GALM: variants seen among roughly 807,000 people sequenced by gnomAD.
GALM encodes galactose mutarotase.
GALM carries 43 observed loss-of-function variants against 37.4 expected under a neutral mutation model. That is an observed-to-expected ratio of 1.15 (90% CI 0.90 to 1.48). GALM has a LOEUF of 1.48. Among genes scored for constraint, GALM ranks in the 40% most tolerant of loss-of-function variants. The pLI is 0.00. For synonymous variants in GALM, 199 were observed against 170.6 expected (o/e 1.17, Z -1.30); for missense variants, 456 against 419.1 (o/e 1.09, Z -0.77).
At chr2:38,711,809 T>C (rs868772834) in intron 4 of GALM, among the ~76,000 whole-genome samples, 5 of 143,878 alleles carry the variant, frequency 3.5e-5, no homozygotes, top group African/African-American at 5.1e-5. Flanking sequence ...ACCATCACCA[T>C]CATCATCATC....
chr2:38,734,511 G>A lies in GALM; in HGVS notation c.*946G>A, dbSNP rs763598368. On this transcript the variant is annotated 3_prime_UTR_variant, in exon 7 of 7. Transcript: ENST00000272252. ...AGAAAGCACAGCCCGGCCAACGCTTGGGAAGAAAGACAGGCAAGCACTGGA... is the reference window on the plus strand; with the variant it reads ...AGAAAGCACAGCCCGGCCAACGCTTAGGAAGAAAGACAGGCAAGCACTGGA... 6.6e-6 allele frequency: 1 copy of A among 152,012 alleles called. No homozygotes were observed. Among genetic ancestry groups the A allele is most frequent in the Non-Finnish European group, 1.5e-5 (1 of 68,170 alleles). The allele number at this position is 152,012 out of a possible 1,614,324, so 9.4% of individuals were successfully genotyped here. A position where few individuals can be genotyped will look rare whatever the true frequency, so the allele number is the denominator to read the frequency against.
intron 4 of GALM, among the ~76,000 whole-genome samples, chr2:38,700,880 T>C (rs1665903564): frequency 6.6e-6 from 1 of 152,228 alleles, no homozygotes; most frequent in Admixed American, 6.5e-5. Flanking sequence ...TCTTTCTCCT[T>C]TGTGTATGTG....
intron 4 of GALM, among the ~76,000 whole-genome samples, chr2:38,705,923 G>A (rs1015238036): frequency 3.9e-5 from 6 of 151,966 alleles, no homozygotes; most frequent in African/African-American, 7.2e-5. Flanking sequence ...CGGGTTCAGT[G>A]GTCCAACTTC....
At chr2:38,700,261 G>C (rs1483715404) in intron 4 of GALM, among the ~76,000 whole-genome samples, 2 of 152,134 alleles carry the variant, frequency 1.3e-5, no homozygotes, top group African/African-American at 2.4e-5. Flanking sequence ...CTAAAGTGCA[G>C]TTTAAATCTA....
At chr2:38,696,510 A>G (rs1665809294) in intron 4 of GALM, among the ~76,000 whole-genome samples, 1 of 150,218 alleles carries the variant, frequency 6.7e-6, no homozygotes, top group Non-Finnish European at 1.5e-5. Context: ...AGCTCACTGT[A>G]ACATCAAACT....
At chr2:38,692,275 C>T (rs1299108531) in intron 4 of GALM, among the ~76,000 whole-genome samples, 1 of 152,174 alleles carries the variant, frequency 6.6e-6, no homozygotes, top group Non-Finnish European at 1.5e-5. Flanking sequence ...AAGAAACAAG[C>T]TAATTGTCTG....
intron 4 of GALM, among the ~76,000 whole-genome samples, chr2:38,723,557 G>C (rs890026042): frequency 6.6e-6 from 1 of 152,136 alleles, no homozygotes; most frequent in Non-Finnish European, 1.5e-5. Flanking sequence ...GGGAAGCTGA[G>C]GCAGGAGGAT....
chr2:38,666,175 C>G lies in GALM; in HGVS notation c.14C>G (p.Thr5Ser). Residue 5 changes from threonine to serine, a missense_variant, in exon 1 of 7, where the codon ACC becomes AGC. Thr to Ser is a moderately conservative substitution (Grantham distance 58). Transcript: ENST00000272252. Reference sequence around the variant, plus strand: ...CAAACTTTCCCTATGGCTTCGGTGACCAGGGCCGTGTTTGGAGAGCTGCCC... The same window carrying G: ...CAAACTTTCCCTATGGCTTCGGTGAGCAGGGCCGTGTTTGGAGAGCTGCCC... Reference protein sequence around the residue: MASVTRAVFGELPSG... With the variant: MASVSRAVFGELPSG... 6.2e-7 allele frequency: 1 copy of G among 1,612,434 alleles called. No homozygotes were observed. Among genetic ancestry groups the G allele is most frequent in the Non-Finnish European group, 8.5e-7 (1 of 1,179,122 alleles).
At chr2:38,732,523 A>G (rs1465037524) in intron 6 of GALM, among the ~76,000 whole-genome samples, 4 of 152,280 alleles carry the variant, frequency 2.6e-5, no homozygotes, top group Admixed American at 2.0e-4. Flanking sequence ...AGCCACACTT[A>G]AGGAGAGCTT....
Position 38,733,539 on chromosome 2 carries a change from A to T in GALM, c.1003A>T (p.Thr335Ser). 2 of 1,613,974 alleles carry T rather than the reference A, an allele frequency of 1.2e-6. No individual in the cohort carries two copies. The highest frequency in any genetic ancestry group is 2.2e-5 in the South Asian group (2 of 91,080). Reference protein sequence around the residue: ...LRPGEEYDHTTWFKFSVA With the variant: ...LRPGEEYDHTSWFKFSVA ...GCCTGGTGAGGAGTATGACCACACC[A>T]CCTGGTTCAAGTTTTCTGTGGCTTA... The change falls in exon 7 of 7, where the codon ACC becomes TCC. Residue 335 changes from threonine to serine, a missense_variant. By Grantham distance (58) the Thr-to-Ser change is moderately conservative. Transcript: ENST00000272252.
intron 4 of GALM, among the ~76,000 whole-genome samples, chr2:38,713,096 G>A (rs569347194): frequency 1.3e-5 from 2 of 152,262 alleles, no homozygotes; most frequent in Non-Finnish European, 2.9e-5. Flanking sequence ...GGAGCCTTGC[G>A]ACTTTTGGAG....
rs1455840052 is a variant in GALM, at chr2:38,729,786, T to C, written c.776+89T>C. On this transcript the variant is annotated intron_variant, in intron 5 of 6. Coordinates refer to ENST00000272252, the MANE Select transcript of GALM (RefSeq NM_138801.3). ...GGAGCTTTTCCTCTGGCCATATCAATAGCATTTACTATGCTACAAGTGACC... is the reference window on the plus strand; with the variant it reads ...GGAGCTTTTCCTCTGGCCATATCAACAGCATTTACTATGCTACAAGTGACC... The C allele has an allele frequency of 1.1e-5, 12 of 1,065,320 alleles. No homozygotes were observed. In the Admixed American group the frequency reaches 1.2e-4, roughly 10 times the overall value. The allele number at this position is 1,065,320 out of a possible 1,614,324, so 66.0% of individuals were successfully genotyped here. A position where few individuals can be genotyped will look rare whatever the true frequency, so the allele number is the denominator to read the frequency against.
rs1167059402 is a variant in GALM, at chr2:38,733,852, T to G, written c.*287T>G. On this transcript the variant is annotated 3_prime_UTR_variant, in exon 7 of 7. Transcript: ENST00000272252. Reference sequence around the variant, plus strand: ...CCCTAGCCAGGGACTCCCATGCTGCTGTTGGCTCCATCTCTCCACACTGCC... The same window carrying G: ...CCCTAGCCAGGGACTCCCATGCTGCGGTTGGCTCCATCTCTCCACACTGCC... 6 of 414,122 alleles carry G rather than the reference T, an allele frequency of 1.4e-5. No homozygotes were observed. The highest frequency in any genetic ancestry group is 1.2e-4 in the African/African-American group (6 of 49,050). The allele number at this position is 414,122 out of a possible 1,614,324, so 25.7% of individuals were successfully genotyped here.
chr2:38,693,280 C>T (rs144122074), intron 4 of GALM, among the ~76,000 whole-genome samples: 143 of 152,102 alleles, frequency 9.4e-4, no homozygotes, highest in African/African-American at 3.0e-3. Context: ...ATCAGGAGTT[C>T]GAGACCAGCC....
At chr2:38,728,712 A>AAAAC (rs1206045685) in intron 4 of GALM, among the ~76,000 whole-genome samples, 20 of 152,092 alleles carry the variant, frequency 1.3e-4, no homozygotes, top group Admixed American at 1.2e-3. Context: ...AAAACAAAAC[A>AAAAC]AAAACTCAAC....
chr2:38,715,845 C>T (rs1391742083), intron 4 of GALM, among the ~76,000 whole-genome samples: 1 of 152,200 alleles, frequency 6.6e-6, no homozygotes, highest in Non-Finnish European at 1.5e-5. Flanking sequence ...GTGCTGGGCA[C>T]TTTACATGCC....
intron 4 of GALM, among the ~76,000 whole-genome samples, chr2:38,706,889 G>T (rs115817460): frequency 8.4e-6 from 1 of 118,760 alleles, no homozygotes; most frequent in Non-Finnish European, 1.7e-5. Flanking sequence ...GGGCGGGGGG[G>T]TCGCTATTTT....
intron 4 of GALM, among the ~76,000 whole-genome samples, chr2:38,698,735 G>A (rs867340675): frequency 6.6e-6 from 1 of 152,118 alleles, no homozygotes; most frequent in Non-Finnish European, 1.5e-5. Context: ...AGAGAACACT[G>A]CAGTGCCAGA....
chr2:38,670,175 T>C (rs1665057458), intron 1 of GALM, among the ~76,000 whole-genome samples: 1 of 152,134 alleles, frequency 6.6e-6, no homozygotes, highest in Non-Finnish European at 1.5e-5. Flanking sequence ...AAAAATATTT[T>C]TCATCGGCAT....
Sources: allele counts gnomAD v4.1 joint callset (sites outside exome capture counted in the v4.1 genomes callset), GRCh38; gene constraint gnomAD v4.1.1; transcripts MANE v1.5; gene names NCBI Gene and HGNC (gene_info 2026-07-23, HGNC 2026-07-21).